Variants in THRAP3 observed in about 807,000 individuals in gnomAD.
THRAP3 encodes thyroid hormone receptor-associated protein 3.
A neutral mutation model predicts 101.0 loss-of-function variants in THRAP3; 16 were observed. The observed-to-expected ratio is 0.16, with a 90% CI of 0.11 to 0.24. The LOEUF (loss-of-function observed/expected upper bound fraction) is 0.24, where lower values mean the gene tolerates loss of function less well. Among genes scored for constraint, THRAP3 ranks in the 10% least tolerant of loss-of-function variants. The probability of loss-of-function intolerance (pLI) is 1.00; values close to 1 mark genes in which losing one functional copy is unlikely to be tolerated. For missense variants in THRAP3, 989 were observed against 1,202.7 expected (o/e 0.82, Z 2.63); for synonymous variants, 407 against 422.6 (o/e 0.96, Z 0.45).
At chr1:36,219,517 T>C (rs897300370), upstream of THRAP3, among the ~76,000 whole-genome samples, 6 of 152,088 alleles carry the variant, frequency 3.9e-5, no homozygotes, top group Non-Finnish European at 8.8e-5. Flanking sequence ...CTCTGCCTCC[T>C]GGGTTCAAGC....
intron 2 of THRAP3, among the ~76,000 whole-genome samples, chr1:36,277,083 C>G (rs1450023489): frequency 4.0e-5 from 6 of 151,870 alleles, no homozygotes; most frequent in African/African-American, 1.5e-4. Flanking sequence ...ATTCTCCTGC[C>G]TCAGCCTCCT....
chr1:36,252,654 T>TC (rs1645316991), intron 1 of THRAP3, among the ~76,000 whole-genome samples: 2 of 151,716 alleles, frequency 1.3e-5, no homozygotes, highest in South Asian at 2.1e-4. Context: ...ACACCTGCAA[T>TC]CCCAGCGCTT....
intron 1 of THRAP3, among the ~76,000 whole-genome samples, chr1:36,253,740 T>A (rs1230084062): frequency 1.3e-5 from 2 of 148,278 alleles, no homozygotes; most frequent in African/African-American, 5.0e-5. Flanking sequence ...ACCACAGGCG[T>A]ACACCATTGA....
In THRAP3 at chr1:36,301,606, T is replaced by C. The variant is rs1360381913; in HGVS notation, c.2556T>C (p.Asn852=). The change falls in exon 11 of 12, where the codon AAT becomes AAC. Residue 852 remains asparagine, a synonymous_variant. Coordinates refer to ENST00000354618, the MANE Select transcript of THRAP3 (RefSeq NM_005119.4). ...GCAGAGGCAACTACTCTGGGAACAA[T>C]AACAACAACAGCAACAACGATTTTC... ...GWGRGNYSGN[N]NNNSNNDFQK... 7 of 1,613,916 alleles carry C rather than the reference T, an allele frequency of 4.3e-6. No individual in the cohort carries two copies. Among genetic ancestry groups the C allele is most frequent in the African/African-American group, 1.3e-5 (1 of 74,872 alleles).
At chr1:36,220,041 C>G (rs538162790), upstream of THRAP3, among the ~76,000 whole-genome samples, 1 of 152,296 alleles carries the variant, frequency 6.6e-6, no homozygotes, top group East Asian at 1.9e-4. Context: ...GTCACCCAGG[C>G]TGGAGTGCAA....
intron 9 of THRAP3, among the ~76,000 whole-genome samples, chr1:36,298,781 C>T (rs1021156620): frequency 2.6e-5 from 4 of 152,124 alleles, no homozygotes; most frequent in Admixed American, 6.5e-5. Flanking sequence ...CATGGGATTA[C>T]AGGCATGAGC....
intron 2 of THRAP3, among the ~76,000 whole-genome samples, chr1:36,270,593 T>TTTTTTTTTTTTTTTTTTTC (rs1184131660): frequency 8.7e-6 from 1 of 114,568 alleles, no homozygotes; most frequent in African/African-American, 3.2e-5. Context: ...TTTTTTTTTT[T>TTTTTTTTTTTTTTTTTTTC]TGAGACGGAG....
chr1:36,249,273 G>T (rs1439306337), intron 1 of THRAP3, among the ~76,000 whole-genome samples: 1 of 147,474 alleles, frequency 6.8e-6, no homozygotes, highest in Non-Finnish European at 1.5e-5. Context: ...CTCACTGCAA[G>T]CTCTGCCTCC....
At chr1:36,294,425 A>G (rs1045534827) in intron 8 of THRAP3, among the ~76,000 whole-genome samples, 1 of 152,202 alleles carries the variant, frequency 6.6e-6, no homozygotes, top group African/African-American at 2.4e-5. Flanking sequence ...CTGTTACTTT[A>G]AAGCTAAAGA....
At chr1:36,245,608 T>C (rs1363136416) in intron 1 of THRAP3, among the ~76,000 whole-genome samples, 4 of 152,118 alleles carry the variant, frequency 2.6e-5, no homozygotes, top group Non-Finnish European at 4.4e-5. Flanking sequence ...TTGCCCATCC[T>C]GATCCATCCC....
intron 2 of THRAP3, among the ~76,000 whole-genome samples, chr1:36,274,625 C>CTT (rs573419051): frequency 0.011 from 677 of 59,310 alleles, 20 homozygotes; most frequent in African/African-American, 0.037. Flanking sequence ...ATTAATTGGG[C>CTT]TTTTTTTTTT....
intron 7 of THRAP3, among the ~76,000 whole-genome samples, chr1:36,293,240 T>C (rs1331351446): frequency 6.6e-6 from 1 of 151,966 alleles, no homozygotes; most frequent in Non-Finnish European, 1.5e-5. Flanking sequence ...TGTTGGCCAG[T>C]CTGGTCTTGA....
intron 1 of THRAP3, among the ~76,000 whole-genome samples, chr1:36,229,072 G>C (rs1570219299): frequency 1.3e-5 from 2 of 152,070 alleles, no homozygotes; most frequent in Admixed American, 1.3e-4. Flanking sequence ...CTAAAAGATT[G>C]ACTTTATTAA....
intron 6 of THRAP3, among the ~76,000 whole-genome samples, chr1:36,292,084 A>G (rs1645875448): frequency 6.6e-6 from 1 of 151,946 alleles, no homozygotes; most frequent in Non-Finnish European, 1.5e-5. Context: ...CATGGGAGCT[A>G]CAGTGGAAAT....
the THRAP3 span, among the ~76,000 whole-genome samples, chr1:36,214,745 G>C: frequency 6.6e-6 from 1 of 151,892 alleles, no homozygotes; most frequent in African/African-American, 2.4e-5. Context: ...TGTAACCCCA[G>C]CTACTCAGGA....
At position 36,259,574 on chromosome 1, in the gene THRAP3, A is replaced by G. The variant is rs115371935; in HGVS notation, c.-32+90A>G. The G allele has an allele frequency of 6.3e-3, 2,489 of 393,090 alleles. 48 individuals carry two copies. The highest frequency in any genetic ancestry group is 0.045 in the African/African-American group (2,207 of 48,598). 24.4% of individuals were successfully genotyped at this position (393,090 alleles called of 1,614,324 possible). On this transcript the variant is annotated intron_variant, in intron 2 of 11. Transcript: ENST00000354618. ...GAATTGATTATTTCGAGACCAGCCT[A>G]TGCAACATGGTGAGATCCTGTCTCT...
intron 4 of THRAP3, chr1:36,288,657 A>C: frequency 1.0e-6 from 1 of 985,480 alleles, no homozygotes; most frequent in South Asian, 4.7e-5. Context: ...TCCAAGGTTG[A>C]ACATTCTATG....
rs945064966 is a variant in THRAP3 at position 36,296,833 on chromosome 1, T to C, written c.2303+63T>C. 1.4e-5 allele frequency: 19 copies of C among 1,365,594 alleles called. No individual in the cohort carries two copies. The African/African-American group carries it at 2.0e-4, about 15-fold the overall frequency. 84.6% of individuals were successfully genotyped at this position (1,365,594 alleles called of 1,614,324 possible). A position where few individuals can be genotyped will look rare whatever the true frequency, so the allele number is the denominator to read the frequency against. ...TTTCTTGTCTGTCCCCTTTGGGCTA[T>C]ACACCAGAACTTTCAAATCAGAGGA... is the stretch of plus-strand genomic sequence containing the variant. On this transcript the variant is annotated intron_variant, in intron 9 of 11. Transcript: ENST00000354618.
At position 36,296,606 on chromosome 1, in the gene THRAP3, T is replaced by C; in HGVS notation, c.2139T>C (p.Asp713=). Residue 713 remains aspartate (D), a synonymous_variant, in exon 9 of 12, where the codon GAT becomes GAC. Transcript: ENST00000354618. ...AGGCTGAGGGAAAATACAAAGATGATCCTGTTGATCTCCGCCTTGATATTG... is the reference window on the plus strand; with the variant it reads ...AGGCTGAGGGAAAATACAAAGATGACCCTGTTGATCTCCGCCTTGATATTG... ...GYKAEGKYKD[D]PVDLRLDIER... The C allele has an allele frequency of 6.3e-7, 1 of 1,575,230 alleles. No homozygotes were observed. Among genetic ancestry groups the C allele is most frequent in the Non-Finnish European group, 8.6e-7 (1 of 1,167,614 alleles).
Sources: gnomAD v4.1 joint callset for allele counts (sites outside exome capture counted in the v4.1 genomes callset) on GRCh38, gnomAD v4.1.1 for gene constraint, MANE v1.5 for transcripts, NCBI Gene and HGNC (gene_info 2026-07-23, HGNC 2026-07-21) for gene names.